Variants in TRHDE observed in about 807,000 individuals in gnomAD.
TRHDE encodes the protein thyrotropin releasing hormone degrading enzyme.
TRHDE carries 72 observed loss-of-function variants against 125.7 expected under a neutral mutation model. That is an observed-to-expected ratio of 0.57 (90% CI 0.47 to 0.70). TRHDE has a LOEUF of 0.70. TRHDE is among the 30% of genes least tolerant of loss of function. The pLI is 0.00. For missense variants in TRHDE, 1,110 were observed against 1,327.1 expected, an observed-to-expected ratio of 0.84 and a Z score of 2.54; for synonymous variants, 509 against 509.1, an observed-to-expected ratio of 1.00 and a Z score of 0.00.
intron 5 of TRHDE, among the ~76,000 whole-genome samples, chr12:72,484,120 A>G (rs990443307): frequency 6.6e-6 from 1 of 152,146 alleles, no homozygotes; most frequent in Non-Finnish European, 1.5e-5. Context: ...TTAGTCGTAT[A>G]CATTTAAAAA....
In TRHDE at chr12:72,421,787, T is replaced by C. The variant is rs372122811; in HGVS notation, c.1315+43666T>C. On this transcript the variant is annotated intron_variant, in intron 3 of 18. Coordinates refer to ENST00000261180, the MANE Select transcript of TRHDE (RefSeq NM_013381.3). ...TCTAGGAAAACCTGCAAGTCACTTC[T>C]TGATGCACACTTAGGCTTTTTTAGA... is the stretch of plus-strand genomic sequence containing the variant. Among the ~76,000 whole-genome samples, 6 of 152,330 alleles carry C rather than the reference T, an allele frequency of 3.9e-5. No individual in the cohort carries two copies. In the South Asian group the frequency reaches 1.2e-3, roughly 32 times the overall value.
At chr12:72,430,969 ATTTCT>A (rs1874451775) in intron 3 of TRHDE, among the ~76,000 whole-genome samples, 1 of 151,876 alleles carries the variant, frequency 6.6e-6, no homozygotes, top group African/African-American at 2.4e-5. Context: ...CACATTTTGC[ATTTCT>A]TTTGTCAAAT....
intron 2 of TRHDE, among the ~76,000 whole-genome samples, chr12:72,294,043 G>C (rs1229853903): frequency 6.6e-6 from 1 of 152,186 alleles, no homozygotes; most frequent in African/African-American, 2.4e-5. Flanking sequence ...GGGGAATATG[G>C]TGGTGCTTGG....
At chr12:72,330,378 A>C (rs1171690476) in intron 2 of TRHDE, among the ~76,000 whole-genome samples, 1 of 152,046 alleles carries the variant, frequency 6.6e-6, no homozygotes, top group Non-Finnish European at 1.5e-5. Context: ...AAAGCAATTC[A>C]GAATCATGCA....
At chr12:72,097,440 ATT>A (rs869290442) in intron 1 of TRHDE, among the ~76,000 whole-genome samples, 14 of 21,654 alleles carry the variant, frequency 6.5e-4, no homozygotes, top group Admixed American at 1.8e-3. Flanking sequence ...TTCTCACTGA[ATT>A]TTTTTTTTTT....
At chr12:72,493,191 A>G (rs1455844833) in intron 5 of TRHDE, among the ~76,000 whole-genome samples, 1 of 151,940 alleles carries the variant, frequency 6.6e-6, no homozygotes, top group East Asian at 1.9e-4. Context: ...ATCTGTACCT[A>G]AGAAATTATA....
intron 5 of TRHDE, among the ~76,000 whole-genome samples, chr12:72,475,002 T>C (rs1876824046): frequency 1.3e-5 from 2 of 152,182 alleles, no homozygotes; most frequent in Non-Finnish European, 2.9e-5. Flanking sequence ...ATAAGTTTAT[T>C]TGATTTATGT....
At chr12:72,426,223 C>T (rs1258052448) in intron 3 of TRHDE, among the ~76,000 whole-genome samples, 2 of 152,030 alleles carry the variant, frequency 1.3e-5, no homozygotes, top group East Asian at 3.9e-4. Context: ...CACTGGCATA[C>T]ATATTTTCTC....
chr12:72,231,574 T>C (rs1029144723), intron 2 of TRHDE, among the ~76,000 whole-genome samples: 1 of 152,098 alleles, frequency 6.6e-6, no homozygotes, highest in African/African-American at 2.4e-5. Flanking sequence ...GCCCAGAAAA[T>C]GCAGAACATA....
intron 2 of TRHDE, among the ~76,000 whole-genome samples, chr12:72,171,170 C>T (rs942043554): frequency 6.6e-6 from 1 of 151,908 alleles, no homozygotes; most frequent in Non-Finnish European, 1.5e-5. Flanking sequence ...TTCACACCAC[C>T]AAAGATAGAT....
At chr12:72,210,327 G>A (rs995498821) in intron 2 of TRHDE, among the ~76,000 whole-genome samples, 1 of 152,042 alleles carries the variant, frequency 6.6e-6, no homozygotes, top group South Asian at 2.1e-4. Context: ...ACAGTATTCT[G>A]ATGATGATCG....
intron 2 of TRHDE, among the ~76,000 whole-genome samples, chr12:72,189,766 G>T (rs1431623381): frequency 6.6e-6 from 1 of 152,158 alleles, no homozygotes; most frequent in Non-Finnish European, 1.5e-5. Context: ...TTTATGGAGG[G>T]AACCCATAAA....
chr12:72,168,166 G>T (rs1261168265), intron 2 of TRHDE, among the ~76,000 whole-genome samples: 2 of 152,146 alleles, frequency 1.3e-5, no homozygotes, highest in African/African-American at 2.4e-5. Context: ...ATACTAGTAT[G>T]AGAAAATAGG....
intron 7 of TRHDE, among the ~76,000 whole-genome samples, chr12:72,546,198 A>G (rs1869409874): frequency 6.6e-6 from 1 of 151,640 alleles, no homozygotes; most frequent in South Asian, 2.1e-4. Flanking sequence ...TAATTTTGCC[A>G]CTCAGAATTT....
chr12:72,571,886 A>T (rs965645610), intron 10 of TRHDE, among the ~76,000 whole-genome samples: 1 of 151,548 alleles, frequency 6.6e-6, no homozygotes, highest in African/African-American at 2.4e-5. Flanking sequence ...CTTGAGAAGT[A>T]ATTTGTCCAA....
intron 2 of TRHDE, among the ~76,000 whole-genome samples, chr12:72,359,686 T>C (rs1386015329): frequency 6.6e-6 from 1 of 151,654 alleles, no homozygotes; most frequent in African/African-American, 2.4e-5. Context: ...AGGGGATAAA[T>C]GCTAAGATCT....
intron 12 of TRHDE, among the ~76,000 whole-genome samples, chr12:72,596,779 A>T (rs1311349946): frequency 6.6e-6 from 1 of 152,200 alleles, no homozygotes; most frequent in Non-Finnish European, 1.5e-5. Context: ...GTATTTCAGG[A>T]TGATTTTCAA....
At chr12:72,515,400 AT>A (rs1465214406) in intron 6 of TRHDE, among the ~76,000 whole-genome samples, 3 of 148,436 alleles carry the variant, frequency 2.0e-5, no homozygotes, top group Non-Finnish European at 4.5e-5. Context: ...GATGGTGAGC[AT>A]TTTTTCATGT....
chr12:72,261,974 T>C (rs903593966), intron 2 of TRHDE, among the ~76,000 whole-genome samples: 1 of 152,166 alleles, frequency 6.6e-6, no homozygotes, highest in Non-Finnish European at 1.5e-5. Flanking sequence ...CAGTTCACAA[T>C]GGAACACCAG....
Sources: gnomAD v4.1 joint callset for allele counts (sites outside exome capture counted in the v4.1 genomes callset) on GRCh38, gnomAD v4.1.1 for gene constraint, MANE v1.5 for transcripts, NCBI Gene and HGNC (gene_info 2026-07-23, HGNC 2026-07-21) for gene names.